FAF2: variants seen among roughly 807,000 people sequenced by gnomAD.
FAF2 encodes FAS-associated factor 2.
Under a neutral mutation model 62.3 loss-of-function variants are expected in FAF2, and 9 were observed. That is an observed-to-expected ratio of 0.14 (90% CI 0.09 to 0.25). The LOEUF is 0.25. FAF2 is among the 10% of genes least tolerant of loss of function. FAF2 has a pLI of 1.00. For missense variants in FAF2, 368 were observed against 556.2 expected (o/e 0.66, Z 3.40); for synonymous variants, 202 against 198.0 (o/e 1.02, Z -0.17).
At chr5:176,501,156 C>T (rs1363428460) in intron 10 of FAF2, among the ~76,000 whole-genome samples, 1 of 152,076 alleles carries the variant, frequency 6.6e-6, no homozygotes, top group East Asian at 1.9e-4. Context: ...AATAGGCACT[C>T]CCTAGTAGGA....
chr5:176,483,387 G>T (rs1269138087), intron 2 of FAF2, among the ~76,000 whole-genome samples: 3 of 152,020 alleles, frequency 2.0e-5, no homozygotes, highest in Non-Finnish European at 4.4e-5. Context: ...TATAATTTCA[G>T]CTTTTACATT....
At chr5:176,493,906 T>C (rs929558141) in intron 5 of FAF2, 93 bp from the exon 6 acceptor site, 43 of 835,358 alleles carry the variant, frequency 5.1e-5, no homozygotes, top group Non-Finnish European at 7.1e-5. Context: ...CTTTTGTTCC[T>C]AAATACATAA....
At chr5:176,472,129 G>GTT (rs869146152) in intron 1 of FAF2, among the ~76,000 whole-genome samples, 1 of 147,198 alleles carries the variant, frequency 6.8e-6, no homozygotes. Flanking sequence ...TTTGTTTTGA[G>GTT]TTTTTTTTTT....
intron 1 of FAF2, among the ~76,000 whole-genome samples, chr5:176,454,451 G>C (rs1758244829): frequency 6.7e-6 from 1 of 150,246 alleles, no homozygotes; most frequent in African/African-American, 2.5e-5. Flanking sequence ...GGTGGCACAG[G>C]CCTGTAATCC....
chr5:176,459,799 G>T (rs1247529306), intron 1 of FAF2, among the ~76,000 whole-genome samples: 1 of 152,044 alleles, frequency 6.6e-6, no homozygotes, highest in Non-Finnish European at 1.5e-5. Context: ...TTGTTGCTGG[G>T]ATTTGTTGTA....
intron 10 of FAF2, among the ~76,000 whole-genome samples, chr5:176,500,556 G>GTACT (rs1308933683): frequency 6.6e-6 from 1 of 152,194 alleles, no homozygotes; most frequent in Non-Finnish European, 1.5e-5. Context: ...AAGCACTGAA[G>GTACT]TGACATATCT....
At chr5:176,499,121 A>G in intron 9 of FAF2, 36 bp downstream of exon 9, 4 of 1,525,884 alleles carry the variant, frequency 2.6e-6, no homozygotes, top group Non-Finnish European at 3.5e-6. Flanking sequence ...TGTGGTTCCC[A>G]AACTGCCGAG....
intron 2 of FAF2, among the ~76,000 whole-genome samples, chr5:176,482,319 ATAAT>A (rs1758794350): frequency 6.6e-6 from 1 of 151,942 alleles, no homozygotes; most frequent in Non-Finnish European, 1.5e-5. Flanking sequence ...CCAGGTTCAA[ATAAT>A]TTTCCTGCCT....
intron 2 of FAF2, among the ~76,000 whole-genome samples, chr5:176,480,339 C>T (rs1305420657): frequency 2.0e-5 from 3 of 150,560 alleles, no homozygotes; most frequent in Non-Finnish European, 4.4e-5. Flanking sequence ...AATATGATTT[C>T]GTTATTCAAC....
chr5:176,450,715 A>T (rs1758150792), intron 1 of FAF2, among the ~76,000 whole-genome samples: 1 of 151,998 alleles, frequency 6.6e-6, no homozygotes, highest in Non-Finnish European at 1.5e-5. Flanking sequence ...CACCACATCC[A>T]GCGAATTTTT....
At chr5:176,490,716 A>G (rs1052795742) in intron 4 of FAF2, among the ~76,000 whole-genome samples, 1 of 152,226 alleles carries the variant, frequency 6.6e-6, no homozygotes, top group African/African-American at 2.4e-5. Flanking sequence ...ATTTTATTTA[A>G]GAATGAACAT....
intron 8 of FAF2, among the ~76,000 whole-genome samples, chr5:176,498,552 G>A (rs1248348308): frequency 6.6e-6 from 1 of 152,116 alleles, no homozygotes. Context: ...TTGGTTTTAT[G>A]AGATCAGTAC....
intron 2 of FAF2, 61 bp from the exon 3 acceptor site, chr5:176,486,294 C>G (rs1294177437): frequency 1.9e-6 from 3 of 1,601,700 alleles, no homozygotes; most frequent in Non-Finnish European, 2.6e-6. Flanking sequence ...GTTGCCTCAC[C>G]TCTTGTTGTT....
intron 9 of FAF2, among the ~76,000 whole-genome samples, chr5:176,499,579 C>A (rs1466142158): frequency 6.6e-6 from 1 of 151,566 alleles, no homozygotes; most frequent in East Asian, 1.9e-4. Context: ...TTACCGCTTA[C>A]CTATAACCAG....
rs377372574 is a variant in FAF2 at position 176,451,726 on chromosome 5, G to GAT, written c.63+3267_63+3268dup. ...GAATAATGGGTATGCGATATATATA[G>GAT]ATATATATATATGTGTATATATGTA... On this transcript the variant is annotated intron_variant, in intron 1 of 10. Transcript: ENST00000261942. Among the ~76,000 whole-genome samples, 290 of 130,880 alleles carry GAT rather than the reference G, an allele frequency of 2.2e-3. 2 individuals carry two copies. Among genetic ancestry groups the GAT allele is most frequent in the African/African-American group, 4.1e-3 (143 of 35,308 alleles). The allele number at this position is 130,880 out of a possible 152,430, so 85.9% of individuals were successfully genotyped here.
chr5:176,480,594 G>A (rs1219411245), intron 2 of FAF2, among the ~76,000 whole-genome samples: 2 of 151,748 alleles, frequency 1.3e-5, no homozygotes, highest in African/African-American at 4.8e-5. Flanking sequence ...TAATTTTTTT[G>A]TGGAGACGAG....
intron 1 of FAF2, among the ~76,000 whole-genome samples, chr5:176,475,419 A>G (rs1225873485): frequency 6.6e-6 from 1 of 152,154 alleles, no homozygotes; most frequent in Non-Finnish European, 1.5e-5. Context: ...GGTGTGAGCC[A>G]CTGTGCGTAG....
rs1581066112 is a variant in FAF2 at position 176,479,397 on chromosome 5, A to T, written c.132+141A>T. On this transcript the variant is annotated intron_variant, in intron 2 of 10. Transcript: ENST00000261942. ...TCTAAAAATAAAAGTGCAGGAAGGTAAAGAATGTGAGAAAGTTTATAAAAT... is the reference window on the plus strand; with the variant it reads ...TCTAAAAATAAAAGTGCAGGAAGGTTAAGAATGTGAGAAAGTTTATAAAAT... 4.4e-6 allele frequency: 3 copies of T among 679,474 alleles called. No homozygotes were observed. The East Asian group carries it at 8.0e-5, about 18-fold the overall frequency. The allele number at this position is 679,474 out of a possible 1,614,324, so 42.1% of individuals were successfully genotyped here. A position where few individuals can be genotyped will look rare whatever the true frequency, so the allele number is the denominator to read the frequency against.
At position 176,507,220 on chromosome 5, in the gene FAF2, G is replaced by A. The variant is rs957441180; in HGVS notation, c.*270G>A. The stretch of plus-strand genomic sequence containing the variant: ...CACCCTTCCTGTGGCCTCTGTGCAC[G>A]CACCTTCCAGTGAACAGAGACTCTT... On this transcript the variant is annotated 3_prime_UTR_variant, in exon 11 of 11. Transcript: ENST00000261942. 7 of 440,572 alleles carry A rather than the reference G, an allele frequency of 1.6e-5. No individual in the cohort carries two copies. Among genetic ancestry groups the A allele is most frequent in the East Asian group, 1.4e-4 (2 of 14,164 alleles). The allele number at this position is 440,572 out of a possible 1,614,324, so 27.3% of individuals were successfully genotyped here.
Sources: allele counts gnomAD v4.1 joint callset (sites outside exome capture counted in the v4.1 genomes callset), GRCh38; gene constraint gnomAD v4.1.1; transcripts MANE v1.5; gene names NCBI Gene and HGNC (gene_info 2026-07-23, HGNC 2026-07-21).